ZNF738: variants seen among roughly 807,000 people sequenced by gnomAD.
The protein encoded by ZNF738 is zinc finger protein 738, also known as protein ZNF738.
A neutral mutation model predicts 9.2 loss-of-function variants in ZNF738; 10 were observed. The ratio of observed to expected loss-of-function variants is 1.09; its 90% CI spans 0.67 to 1.85. ZNF738 has a LOEUF of 1.85. Ranked by LOEUF, ZNF738 falls within the 40% of genes most tolerant of loss-of-function variation. The probability of loss-of-function intolerance (pLI) is 0.00; values close to 1 mark genes in which losing one functional copy is unlikely to be tolerated. For synonymous variants in ZNF738, 113 were observed against 94.5 expected, an observed-to-expected ratio of 1.20 and a Z score of -1.14; for missense variants, 346 against 283.6, an observed-to-expected ratio of 1.22 and a Z score of -1.58.
intron 4 of ZNF738, among the ~76,000 whole-genome samples, chr19:21,382,127 G>T (rs1487079788): frequency 1.5e-5 from 2 of 137,384 alleles, no homozygotes; most frequent in Non-Finnish European, 3.0e-5. Flanking sequence ...GTGCAATGGT[G>T]TGATTTTGAC....
chr19:21,360,027 A>G (rs539930093), intron 1 of ZNF738, among the ~76,000 whole-genome samples: 1 of 152,310 alleles, frequency 6.6e-6, no homozygotes, highest in East Asian at 1.9e-4. Context: ...CAAATTTAGT[A>G]ATTGGTTAGG....
chr19:21,377,422 T>C (rs1163072284), intron 4 of ZNF738: 1 of 708,284 alleles, frequency 1.4e-6, no homozygotes, highest in South Asian at 1.5e-5. Flanking sequence ...ACTATAATTA[T>C]ATTGCTGTCT....
chr19:21,361,375 G>A (rs1421740942), intron 1 of ZNF738, among the ~76,000 whole-genome samples: 2 of 152,076 alleles, frequency 1.3e-5, no homozygotes, highest in African/African-American at 2.4e-5. Flanking sequence ...CCCGACCTCA[G>A]GTGATCCGCC....
Position 21,386,546 on chromosome 19 carries a change from CT to C in ZNF738, c.*2877del. Reference sequence around the variant, plus strand: ...AAAGCTTTTAACCAGTCCTACAAACCTTTTTGAACAAAATAATTCATACAGG... The same window carrying C: ...AAAGCTTTTAACCAGTCCTACAAACCTTTTGAACAAAATAATTCATACAGG... On this transcript the variant is annotated 3_prime_UTR_variant, in exon 5 of 5. Transcript: ENST00000683779. 4 of 357,682 alleles carry C rather than the reference CT, an allele frequency of 1.1e-5. No homozygotes were observed. The highest frequency in any genetic ancestry group is 2.3e-5 in the Non-Finnish European group (4 of 175,158). 22.2% of individuals were successfully genotyped at this position (357,682 alleles called of 1,614,324 possible).
At chr19:21,364,439 T>C (rs1973747634) in intron 2 of ZNF738, among the ~76,000 whole-genome samples, 1 of 152,042 alleles carries the variant, frequency 6.6e-6, no homozygotes, top group African/African-American at 2.4e-5. Flanking sequence ...GTATAATGGC[T>C]CAGATTGAGG....
chr19:21,380,691 G>A (rs1469424101), intron 4 of ZNF738, among the ~76,000 whole-genome samples: 4 of 152,052 alleles, frequency 2.6e-5, no homozygotes, highest in Admixed American at 6.5e-5. Context: ...ATCTTTGCCC[G>A]GTACTATTAT....
intron 4 of ZNF738, chr19:21,378,617 T>G: frequency 2.9e-6 from 1 of 343,806 alleles, no homozygotes; most frequent in South Asian, 2.4e-5. Context: ...TTTTTTTTTT[T>G]TTTTTTTTGA....
intron 2 of ZNF738, among the ~76,000 whole-genome samples, chr19:21,362,752 C>T (rs1331962470): frequency 2.6e-5 from 4 of 152,104 alleles, no homozygotes; most frequent in Non-Finnish European, 4.4e-5. Context: ...TTACCTTTTT[C>T]TTTCCCAGAG....
chr19:21,362,369 CT>C (rs1973712755), intron 2 of ZNF738, among the ~76,000 whole-genome samples: 1 of 152,080 alleles, frequency 6.6e-6, no homozygotes, highest in African/African-American at 2.4e-5. Context: ...CAACAACAAA[CT>C]GACTCCAGTG....
At chr19:21,359,247 A>C in intron 1 of ZNF738, 104 bp downstream of exon 1, 1 of 846,742 alleles carries the variant, frequency 1.2e-6, no homozygotes, top group Non-Finnish European at 2.1e-6. Flanking sequence ...CAGCTCTACA[A>C]TCTGCGCCCC....
At position 21,383,995 on chromosome 19, in the gene ZNF738, A is replaced by G; in HGVS notation, c.*321A>G. On this transcript the variant is annotated 3_prime_UTR_variant, in exon 5 of 5. Transcript: ENST00000683779. ...TTGATTCATACTGGAGAGAAACCCT[A>G]CAAATGTGAAGAATGTGGCAAAGCT... 1 of 1,484,942 alleles carries G rather than the reference A, an allele frequency of 6.7e-7. No individual in the cohort carries two copies. Among genetic ancestry groups the G allele is most frequent in the Non-Finnish European group, 9.4e-7 (1 of 1,066,780 alleles). The allele number at this position is 1,484,942 out of a possible 1,614,324, so 92.0% of individuals were successfully genotyped here. A position where few individuals can be genotyped will look rare whatever the true frequency, so the allele number is the denominator to read the frequency against.
chr19:21,380,413 C>T (rs1973989400), intron 4 of ZNF738, among the ~76,000 whole-genome samples: 1 of 152,154 alleles, frequency 6.6e-6, no homozygotes, highest in Admixed American at 6.5e-5. Flanking sequence ...GGGGTAGAGT[C>T]CCCACTCTCC....
intron 4 of ZNF738, among the ~76,000 whole-genome samples, chr19:21,380,338 A>G (rs1488580318): frequency 1.3e-5 from 2 of 152,242 alleles, no homozygotes; most frequent in African/African-American, 4.8e-5. Context: ...AAGAAGTCAG[A>G]CCATTTGCCT....
At position 21,385,110 on chromosome 19, in the gene ZNF738, G is replaced by A. The variant is rs982172626; in HGVS notation, c.*1436G>A. Among the ~76,000 whole-genome samples, 1 of 152,006 alleles carries A rather than the reference G, an allele frequency of 6.6e-6. No homozygotes were observed. The highest frequency in any genetic ancestry group is 6.6e-5 in the Admixed American group (1 of 15,254). ...TCATGCCTGTAATCCCAGCACTTTG[G>A]GAGGCTGAGGCAGGCAGATCACCTG... On this transcript the variant is annotated 3_prime_UTR_variant, in exon 5 of 5. Transcript: ENST00000683779.
rs902425189 is a variant in ZNF738, at chr19:21,387,880, G to A, written c.*4206G>A. Among the ~76,000 whole-genome samples, 3 of 152,116 alleles carry A rather than the reference G, an allele frequency of 2.0e-5. No individual in the cohort carries two copies. Among genetic ancestry groups the A allele is most frequent in the African/African-American group, 7.2e-5 (3 of 41,428 alleles). On this transcript the variant is annotated 3_prime_UTR_variant, in exon 5 of 5. Coordinates refer to ENST00000683779, the MANE Select transcript of ZNF738 (RefSeq NM_001355237.2). Reference sequence around the variant, plus strand: ...TGCTCAAGCTTTGTTCAACATTAGGGCACTTATATTGGAAAAGTGTCTTGC... The same window carrying A: ...TGCTCAAGCTTTGTTCAACATTAGGACACTTATATTGGAAAAGTGTCTTGC...
chr19:21,387,721 A>G lies in ZNF738; in HGVS notation c.*4047A>G, dbSNP rs1331984211. ...TACTGTCAAAAGGTCTTTCAGAAAAATATAACCCTTTAAAGTGAAGAAGAG... is the reference window on the plus strand; with the variant it reads ...TACTGTCAAAAGGTCTTTCAGAAAAGTATAACCCTTTAAAGTGAAGAAGAG... On this transcript the variant is annotated 3_prime_UTR_variant, in exon 5 of 5. Transcript: ENST00000683779. 1.3e-5 allele frequency among the ~76,000 whole-genome samples: 2 copies of G among 152,218 alleles called. No homozygotes were observed. The highest frequency in any genetic ancestry group is 1.5e-5 in the Non-Finnish European group (1 of 68,044).
intron 4 of ZNF738, chr19:21,377,620 T>C (rs1226961435): frequency 2.1e-6 from 1 of 474,128 alleles, no homozygotes; most frequent in African/African-American, 2.0e-5. Flanking sequence ...TAAAGTACTT[T>C]ATGTAAGATA....
intron 4 of ZNF738, among the ~76,000 whole-genome samples, chr19:21,382,222 G>A (rs916350084): frequency 2.0e-5 from 3 of 147,900 alleles, no homozygotes; most frequent in East Asian, 2.0e-4. Context: ...GAGCCACCAC[G>A]CCCGGCTGGC....
chr19:21,381,242 C>G, intron 4 of ZNF738: 1 of 1,576,164 alleles, frequency 6.3e-7, no homozygotes, highest in Non-Finnish European at 8.7e-7. Flanking sequence ...GCTTTCTCTA[C>G]AGCCACACGT....
Sources: allele counts gnomAD v4.1 joint callset (sites outside exome capture counted in the v4.1 genomes callset), GRCh38; gene constraint gnomAD v4.1.1; transcripts MANE v1.5; gene names NCBI Gene and HGNC (gene_info 2026-07-23, HGNC 2026-07-21).